Variants in ASB3 observed in about 807,000 individuals in gnomAD.
ASB3 encodes ankyrin repeat and SOCS box protein 3.
Under a neutral mutation model 54.5 loss-of-function variants are expected in ASB3, and 41 were observed. That is an observed-to-expected ratio of 0.75 (90% CI 0.59 to 0.98). The LOEUF (loss-of-function observed/expected upper bound fraction) is 0.98, where lower values mean the gene tolerates loss of function less well. ASB3 is among the 50% of genes least tolerant of loss of function. ASB3 has a pLI of 0.00. For missense variants in ASB3, 733 were observed against 620.0 expected, an observed-to-expected ratio of 1.18 and a Z score of -1.94; for synonymous variants, 266 against 221.2, an observed-to-expected ratio of 1.20 and a Z score of -1.80.
At chr2:53,768,250 G>A (rs1336180948) in intron 1 of ASB3, 1 of 502,162 alleles carries the variant, frequency 2.0e-6, no homozygotes, top group East Asian at 3.3e-5. Context: ...AGTCTCTAGA[G>A]ACGGCGAGAA....
intron 9 of ASB3, among the ~76,000 whole-genome samples, chr2:53,689,780 C>G (rs1572848114): frequency 6.6e-6 from 1 of 152,208 alleles, no homozygotes; most frequent in South Asian, 2.1e-4. Context: ...TACCCTACCA[C>G]AGATCAACCT....
At chr2:53,681,973 T>C (rs1365861721) in intron 9 of ASB3, among the ~76,000 whole-genome samples, 5 of 151,690 alleles carry the variant, frequency 3.3e-5, no homozygotes, top group Non-Finnish European at 7.4e-5. Flanking sequence ...GCCTGGCCAA[T>C]ATGGTGAAAC....
At chr2:53,709,368 ACT>A (rs1669964992) in intron 7 of ASB3, among the ~76,000 whole-genome samples, 1 of 151,962 alleles carries the variant, frequency 6.6e-6, no homozygotes, top group Admixed American at 6.6e-5. Context: ...GGTTTGGGAG[ACT>A]CTGCCTAGGT....
chr2:53,775,876 C>G (rs2542582), intron 1 of ASB3, among the ~76,000 whole-genome samples: 42,054 of 152,042 alleles, frequency 0.28, 6,186 homozygotes, highest in South Asian at 0.33. Flanking sequence ...ATTATTTGTA[C>G]GTAACTTTTT....
intron 8 of ASB3, among the ~76,000 whole-genome samples, chr2:53,696,035 T>A (rs1003046695): frequency 1.3e-5 from 2 of 152,208 alleles, no homozygotes; most frequent in African/African-American, 2.4e-5. Flanking sequence ...GAATGTAAAT[T>A]TGATCAAAGA....
At chr2:53,710,373 G>A (rs1274148779) in intron 7 of ASB3, among the ~76,000 whole-genome samples, 1 of 152,144 alleles carries the variant, frequency 6.6e-6, no homozygotes, top group East Asian at 1.9e-4. Flanking sequence ...CTACTCAGCT[G>A]AGAATTTCTA....
chr2:53,726,665 C>CAT lies in ASB3; in HGVS notation c.604+2045_604+2046dup, dbSNP rs923687651. On this transcript the variant is annotated intron_variant, in intron 5 of 9. Coordinates refer to ENST00000263634, the MANE Select transcript of ASB3 (RefSeq NM_016115.5). ...ATATACACACATATATATACACACA[C>CAT]ATATATATATACACATATATATATA... 2.1e-3 allele frequency among the ~76,000 whole-genome samples: 310 copies of CAT among 150,862 alleles called. 1 individual carries two copies. The highest frequency in any genetic ancestry group is 5.7e-3 in the African/African-American group (234 of 41,028).
At chr2:53,764,671 T>C (rs547226415) in intron 2 of ASB3, among the ~76,000 whole-genome samples, 1 of 152,300 alleles carries the variant, frequency 6.6e-6, no homozygotes, top group South Asian at 2.1e-4. Context: ...AAGCCCAGTT[T>C]ATAGCACTGG....
chr2:53,780,457 GTTAT>G (rs998587785), intron 1 of ASB3, among the ~76,000 whole-genome samples: 5 of 152,138 alleles, frequency 3.3e-5, no homozygotes, highest in Non-Finnish European at 7.4e-5. Context: ...ACAAATCTAT[GTTAT>G]TTAATATAAA....
At chr2:53,714,001 A>G (rs1461699285) in intron 7 of ASB3, among the ~76,000 whole-genome samples, 2 of 152,202 alleles carry the variant, frequency 1.3e-5, no homozygotes, top group Non-Finnish European at 2.9e-5. Flanking sequence ...TTTTAGGCTT[A>G]TATCTTATAA....
In ASB3 at chr2:53,750,928, G is replaced by C; in HGVS notation, c.210C>G (p.Asn70Lys). ...QMLINADSSE[N>K]YIKMKTFEGF... ...CTTCAAAGGTCTTCATCTTAATGTA[G>C]TTTTCAGATGAATCTGTGGAAGAAT... Residue 70 changes from asparagine to lysine, a missense_variant, in exon 3 of 10, where the codon AAC (asparagine) becomes AAG (lysine). By Grantham distance (94) the Asn-to-Lys change is moderately conservative. Transcript: ENST00000263634. 6.4e-7 allele frequency: 1 copy of C among 1,556,754 alleles called. No homozygotes were observed. Among genetic ancestry groups the C allele is most frequent in the South Asian group, 1.3e-5 (1 of 78,068 alleles).
chr2:53,780,556 A>T (rs1328622309), intron 1 of ASB3, among the ~76,000 whole-genome samples: 2 of 152,156 alleles, frequency 1.3e-5, no homozygotes, highest in Non-Finnish European at 2.9e-5. Context: ...AAGCAAGGGG[A>T]TCACTTGAAG....
intron 1 of ASB3, among the ~76,000 whole-genome samples, chr2:53,780,224 G>A (rs552334038): frequency 1.1e-3 from 165 of 152,134 alleles, no homozygotes; most frequent in Non-Finnish European, 1.9e-3. Context: ...CTTACCATCT[G>A]GTCAATCTGG....
chr2:53,711,340 T>C (rs1274621108), intron 7 of ASB3, among the ~76,000 whole-genome samples: 2 of 152,188 alleles, frequency 1.3e-5, no homozygotes, highest in South Asian at 2.1e-4. Flanking sequence ...TGTGTCTATG[T>C]TTCAGCTTCC....
At chr2:53,680,550 A>G (rs1572831401) in intron 9 of ASB3, among the ~76,000 whole-genome samples, 1 of 152,220 alleles carries the variant, frequency 6.6e-6, no homozygotes, top group East Asian at 1.9e-4. Context: ...TCTTTTTAAA[A>G]CAGAATTTAT....
In ASB3 at chr2:53,731,801, C is replaced by T. The variant is rs571530039; in HGVS notation, c.356-2231G>A. On this transcript the variant is annotated intron_variant, in intron 3 of 9. Coordinates refer to ENST00000263634, the MANE Select transcript of ASB3 (RefSeq NM_016115.5). ...CCAAGTCGCTGGGATTACAGGCACC[C>T]GCAATCATGCTCGGCTACTTTTTGG... Among the ~76,000 whole-genome samples the T allele has an allele frequency of 1.4e-4, 22 of 152,080 alleles. 1 individual carries two copies. Among genetic ancestry groups the T allele is most frequent in the Admixed American group, 7.2e-4 (11 of 15,282 alleles).
At chr2:53,707,990 G>A (rs1384110117) in intron 7 of ASB3, among the ~76,000 whole-genome samples, 13 of 149,738 alleles carry the variant, frequency 8.7e-5, no homozygotes, top group African/African-American at 3.2e-4. Flanking sequence ...AAGAAAGAAA[G>A]AAAAGAAAAG....
chr2:53,696,906 T>G (rs1669212195), intron 8 of ASB3, among the ~76,000 whole-genome samples: 1 of 152,152 alleles, frequency 6.6e-6, no homozygotes, highest in African/African-American at 2.4e-5. Flanking sequence ...GTCAGAGGTG[T>G]ATGAACCAGA....
chr2:53,757,410 G>T (rs1672896065), intron 2 of ASB3, among the ~76,000 whole-genome samples: 2 of 152,228 alleles, frequency 1.3e-5, no homozygotes, highest in Non-Finnish European at 2.9e-5. Flanking sequence ...CCCGGCGTTA[G>T]CTGGTTGAGA....
Sources: gnomAD v4.1 joint callset for allele counts (sites outside exome capture counted in the v4.1 genomes callset) on GRCh38, gnomAD v4.1.1 for gene constraint, MANE v1.5 for transcripts, NCBI Gene and HGNC (gene_info 2026-07-23, HGNC 2026-07-21) for gene names.